The following SGCD variants were observed in gnomAD, a reference collection of about 807,000 sequenced individuals.
SGCD encodes the protein delta-sarcoglycan.
In SGCD, 18 loss-of-function variants were observed where a neutral mutation model predicts 36.6. That is an observed-to-expected ratio of 0.49 (90% CI 0.34 to 0.73). The LOEUF (loss-of-function observed/expected upper bound fraction) is 0.73, where lower values mean the gene tolerates loss of function less well. Among genes scored for constraint, SGCD ranks in the 30% least tolerant of loss-of-function variants. The pLI is 0.01. For synonymous variants in SGCD, 133 were observed against 130.6 expected, an observed-to-expected ratio of 1.02 and a Z score of -0.12; for missense variants, 387 against 346.7, an observed-to-expected ratio of 1.12 and a Z score of -0.92.
the SGCD span, among the ~76,000 whole-genome samples, chr5:155,797,560 G>A: frequency 7.2e-5 from 11 of 152,316 alleles, no homozygotes; most frequent in African/African-American, 2.4e-4. Flanking sequence ...GTACAGAGTT[G>A]CATTTCAATT....
At position 156,508,663 on chromosome 5, in the gene SGCD, C is replaced by G; in HGVS notation, c.255C>G (p.Phe85Leu). 2 of 1,611,694 alleles carry G rather than the reference C, an allele frequency of 1.2e-6. No individual in the cohort carries two copies. Among genetic ancestry groups the G allele is most frequent in the Non-Finnish European group, 1.7e-6 (2 of 1,178,252 alleles). ...TAAAGCTAGAAGGAGACTCTGAATT[C>G]TTACAACCTCTCTACGCCAAAGAAA... ...KGLKLEGDSEFLQPLYAKEIQ... is the reference protein window; with the variant it reads ...KGLKLEGDSELLQPLYAKEIQ... The change falls in exon 4 of 9, where the codon TTC (phenylalanine) becomes TTG (leucine). Residue 85 changes from phenylalanine (F) to leucine (L), a missense_variant. By Grantham distance (22) the Phe-to-Leu change is conservative. Transcript: ENST00000337851.
chr5:156,549,652 AT>A (rs1758714756), intron 4 of SGCD, among the ~76,000 whole-genome samples: 1 of 152,226 alleles, frequency 6.6e-6, no homozygotes, highest in African/African-American at 2.4e-5. Flanking sequence ...TAATTGTGGC[AT>A]TAGTTTTTCT....
chr5:156,670,819 G>C (rs995036357), intron 7 of SGCD, among the ~76,000 whole-genome samples: 1 of 152,072 alleles, frequency 6.6e-6, no homozygotes, highest in African/African-American at 2.4e-5. Context: ...TGCCATGTTG[G>C]GCTAGATGTC....
At chr5:156,432,798 T>C (rs1364656541) in intron 3 of SGCD, among the ~76,000 whole-genome samples, 1 of 152,150 alleles carries the variant, frequency 6.6e-6, no homozygotes, top group African/African-American at 2.4e-5. Context: ...GTGAAGCTGG[T>C]CTAACTCCCA....
chr5:156,613,421 AG>A (rs1340718546), intron 6 of SGCD, among the ~76,000 whole-genome samples: 2 of 152,254 alleles, frequency 1.3e-5, no homozygotes, highest in African/African-American at 4.8e-5. Context: ...ACACCTTTAC[AG>A]GCTAGGAAGT....
At chr5:155,811,158 T>C in the SGCD span, among the ~76,000 whole-genome samples, 1 of 152,086 alleles carries the variant, frequency 6.6e-6, no homozygotes, top group African/African-American at 2.4e-5. Context: ...CAGCGCTAGA[T>C]TGCAGGTCCC....
chr5:156,143,882 C>A (rs1173683601), intron 3 of SGCD, among the ~76,000 whole-genome samples: 4 of 103,472 alleles, frequency 3.9e-5, no homozygotes, highest in Admixed American at 2.6e-4. Flanking sequence ...GGCTATCCCT[C>A]CCCCCTCCCC....
At chr5:156,421,691 A>G (rs1282726223) in intron 3 of SGCD, among the ~76,000 whole-genome samples, 4 of 152,074 alleles carry the variant, frequency 2.6e-5, no homozygotes, top group African/African-American at 9.7e-5. Context: ...CCTTAAGTAA[A>G]TGAGCGCTTT....
chr5:156,069,712 G>C (rs959752683), intron 1 of SGCD, among the ~76,000 whole-genome samples: 1 of 150,088 alleles, frequency 6.7e-6, no homozygotes, highest in East Asian at 1.9e-4. Flanking sequence ...AATTCCCTTG[G>C]GCAGTATGGC....
intron 7 of SGCD, among the ~76,000 whole-genome samples, chr5:156,726,365 A>G (rs181659888): frequency 1.7e-4 from 26 of 152,282 alleles, no homozygotes; most frequent in African/African-American, 6.0e-4. Flanking sequence ...CTTAAGATAT[A>G]AATCTGGTTG....
At chr5:155,769,913 A>G in the SGCD span, among the ~76,000 whole-genome samples, 11 of 151,980 alleles carry the variant, frequency 7.2e-5, no homozygotes, top group Non-Finnish European at 5.9e-5. Context: ...CGCCCTACAC[A>G]AGATTTCTTT....
At chr5:156,429,548 T>C (rs1001520894) in intron 3 of SGCD, among the ~76,000 whole-genome samples, 4 of 151,926 alleles carry the variant, frequency 2.6e-5, no homozygotes, top group Admixed American at 6.6e-5. Context: ...TTTATATTCA[T>C]AATGTTAGTT....
chr5:156,446,274 T>C (rs1049661741), intron 3 of SGCD, among the ~76,000 whole-genome samples: 3 of 152,116 alleles, frequency 2.0e-5, no homozygotes, highest in African/African-American at 7.2e-5. Flanking sequence ...TGAAGTCTAT[T>C]TGTGTGAGTT....
At chr5:156,645,081 A>G (rs1046533791) in intron 6 of SGCD, among the ~76,000 whole-genome samples, 1 of 152,162 alleles carries the variant, frequency 6.6e-6, no homozygotes, top group African/African-American at 2.4e-5. Context: ...GTTATTGGGC[A>G]GAGAACCAGC....
chr5:156,396,959 TCTC>T lies in SGCD; in HGVS notation c.192+52283_192+52285del, dbSNP rs1244374010. Among the ~76,000 whole-genome samples the T allele has an allele frequency of 2.0e-5, 3 of 152,304 alleles. No homozygotes were observed. In the East Asian group the frequency reaches 5.8e-4, roughly 29 times the overall value. ...GCACTAGCCATTAGGTCCTACTGCC[TCTC>T]AGAAACAAAGACGACTGGGGCATAA... On this transcript the variant is annotated intron_variant, in intron 3 of 8. Coordinates refer to ENST00000337851, the MANE Select transcript of SGCD (RefSeq NM_000337.6).
intron 4 of SGCD, among the ~76,000 whole-genome samples, chr5:156,554,335 A>G (rs1758919004): frequency 6.6e-6 from 1 of 151,668 alleles, no homozygotes; most frequent in African/African-American, 2.4e-5. Context: ...AGCCTTGGCA[A>G]CAGAGCGAGA....
At chr5:156,172,899 G>T (rs1023090749) in intron 3 of SGCD, among the ~76,000 whole-genome samples, 2 of 151,900 alleles carry the variant, frequency 1.3e-5, no homozygotes, top group Non-Finnish European at 2.9e-5. Context: ...GGAATAAGGA[G>T]ACATGACAGT....
At position 156,397,689 on chromosome 5, in the gene SGCD, T is replaced by C. The variant is rs1580927590; in HGVS notation, c.192+53012T>C. On this transcript the variant is annotated intron_variant, in intron 3 of 8. Transcript: ENST00000337851. ...GTCTCCCCGAGCAGCTTAGAGTCTA[T>C]GGAGAGACAAGTCTTAAATGTACAA... is the stretch of plus-strand genomic sequence containing the variant. 2.0e-5 allele frequency among the ~76,000 whole-genome samples: 3 copies of C among 152,260 alleles called. No homozygotes were observed. In the East Asian group the frequency reaches 5.8e-4, roughly 29 times the overall value.
chr5:156,528,847 A>G (rs1216578650), intron 4 of SGCD, among the ~76,000 whole-genome samples: 1 of 152,202 alleles, frequency 6.6e-6, no homozygotes, highest in Non-Finnish European at 1.5e-5. Flanking sequence ...CCAGTCCTTC[A>G]AAGCTTTGGG....
Sources: gnomAD v4.1 joint callset for allele counts (sites outside exome capture counted in the v4.1 genomes callset) on GRCh38, gnomAD v4.1.1 for gene constraint, MANE v1.5 for transcripts, NCBI Gene and HGNC (gene_info 2026-07-23, HGNC 2026-07-21) for gene names.